Variants in DNAAF11 observed in about 807,000 individuals in gnomAD.
DNAAF11 encodes the protein leucine rich repeat containing 6.
In DNAAF11, 45 loss-of-function variants were observed where a neutral mutation model predicts 60.8. The ratio of observed to expected loss-of-function variants is 0.74; its 90% confidence interval spans 0.58 to 0.95. The LOEUF is 0.95. Ranked by LOEUF, DNAAF11 falls within the 40% of genes least tolerant of loss-of-function variation. DNAAF11 has a pLI of 0.00. For synonymous variants in DNAAF11, 191 were observed against 183.5 expected, an observed-to-expected ratio of 1.04 and a Z score of -0.33; for missense variants, 546 against 546.2, an observed-to-expected ratio of 1.00 and a Z score of 0.00.
chr8:132,579,531 G>A (rs1586459964), intron 11 of DNAAF11, among the ~76,000 whole-genome samples: 4 of 152,202 alleles, frequency 2.6e-5, no homozygotes, highest in Middle Eastern at 6.8e-3. Context: ...GAGTGGGGAA[G>A]GCAACTGAAA....
At position 132,598,989 on chromosome 8, in the gene DNAAF11, G is replaced by A. The variant is rs187470393; in HGVS notation, c.1140+11177C>T. ...AAAAAATCAATGAATCCAGGAGCTG[G>A]TTTTTTGAAAAGATCAACAACATTG... On this transcript the variant is annotated intron_variant, in intron 10 of 11. Coordinates refer to ENST00000620350, the MANE Select transcript of DNAAF11 (RefSeq NM_012472.6). Among the ~76,000 whole-genome samples the A allele has an allele frequency of 6.3e-3, 955 of 152,212 alleles. 14 individuals carry two copies. Among genetic ancestry groups the A allele is most frequent in the African/African-American group, 0.022 (916 of 41,508 alleles).
intron 7 of DNAAF11, among the ~76,000 whole-genome samples, chr8:132,620,311 A>C (rs1819623512): frequency 6.6e-6 from 1 of 152,142 alleles, no homozygotes; most frequent in Non-Finnish European, 1.5e-5. Flanking sequence ...AGCTGAAGAC[A>C]AACGACAAGG....
At chr8:132,610,137 T>C in intron 10 of DNAAF11, 29 bp downstream of exon 10, 2 of 1,543,018 alleles carry the variant, frequency 1.3e-6, no homozygotes, top group Non-Finnish European at 1.8e-6. Context: ...ATATCCAGAC[T>C]TGAAATTGAC....
Position 132,610,160 on chromosome 8 carries a change from A to C in DNAAF11, c.1140+6T>G. On this transcript the variant is annotated splice_donor_region_variant and intron_variant, in intron 10 of 11. Transcript: ENST00000620350. The stretch of plus-strand genomic sequence containing the variant: ...ACTTGAAATTGACCCAAATGACATG[A>C]CCTACCTTGGGCATGCAGATGACCA... The C allele has an allele frequency of 1.9e-6, 3 of 1,609,036 alleles. No homozygotes were observed. Among genetic ancestry groups the C allele is most frequent in the Non-Finnish European group, 2.6e-6 (3 of 1,175,450 alleles).
At chr8:132,697,462 A>G in the DNAAF11 span, among the ~76,000 whole-genome samples, 1 of 152,072 alleles carries the variant, frequency 6.6e-6, no homozygotes, top group Non-Finnish European at 1.5e-5. Context: ...TACTAAAATT[A>G]CAAAAATTAG....
At chr8:132,572,685 T>TAAAA (rs34229467) in intron 11 of DNAAF11, among the ~76,000 whole-genome samples, 1 of 132,852 alleles carries the variant, frequency 7.5e-6, no homozygotes. Context: ...AGAAAAGTTC[T>TAAAA]AAAAAAAAAA....
chr8:132,585,513 C>T (rs528391168), intron 10 of DNAAF11, among the ~76,000 whole-genome samples: 8 of 152,152 alleles, frequency 5.3e-5, no homozygotes, highest in South Asian at 2.1e-4. Flanking sequence ...CACAAGTGGA[C>T]GGCAAGACTT....
chr8:132,602,744 AAT>A (rs35316805), intron 10 of DNAAF11, among the ~76,000 whole-genome samples: 18,788 of 141,386 alleles, frequency 0.13, 1,492 homozygotes, highest in African/African-American at 0.24. Context: ...CTTAATTTGA[AAT>A]ATATATATAT....
upstream of DNAAF11, among the ~76,000 whole-genome samples, chr8:132,679,524 A>G (rs117513787): frequency 5.0e-3 from 762 of 152,248 alleles, 2 homozygotes; most frequent in Middle Eastern, 0.034. Flanking sequence ...AATCTAGGAT[A>G]AGATCTGGTT....
intron 3 of DNAAF11, among the ~76,000 whole-genome samples, chr8:132,654,448 A>G (rs1823334442): frequency 6.6e-6 from 1 of 152,066 alleles, no homozygotes; most frequent in African/African-American, 2.4e-5. Context: ...TTAGAACAAT[A>G]AACCCAAGAA....
intron 2 of DNAAF11, among the ~76,000 whole-genome samples, chr8:132,658,191 G>T (rs771265690): frequency 2.6e-5 from 4 of 152,114 alleles, no homozygotes; most frequent in Admixed American, 6.5e-5. Context: ...TTTATGCATT[G>T]TTTAAATGGA....
intron 1 of DNAAF11, among the ~76,000 whole-genome samples, chr8:132,669,940 CAAA>C (rs35402875): frequency 2.7e-3 from 189 of 69,752 alleles, no homozygotes; most frequent in African/African-American, 7.1e-3. Context: ...GACTCCGTCT[CAAA>C]AAAAAAAAAA....
chr8:132,677,517 A>G (rs1290220272), upstream of DNAAF11, among the ~76,000 whole-genome samples: 1 of 152,164 alleles, frequency 6.6e-6, no homozygotes, highest in Non-Finnish European at 1.5e-5. Flanking sequence ...CTCAAGAGCA[A>G]TTGCAACCCA....
At chr8:132,631,677 G>C (rs541397506) in intron 5 of DNAAF11, among the ~76,000 whole-genome samples, 1 of 152,236 alleles carries the variant, frequency 6.6e-6, no homozygotes, top group South Asian at 2.1e-4. Context: ...GGATGAAGGG[G>C]AAGTCTTTAA....
At chr8:132,592,454 T>C (rs1816563470) in intron 10 of DNAAF11, among the ~76,000 whole-genome samples, 1 of 152,198 alleles carries the variant, frequency 6.6e-6, no homozygotes, top group South Asian at 2.1e-4. Flanking sequence ...AGTTGTTCTA[T>C]ATTCCTAGTG....
intron 3 of DNAAF11, among the ~76,000 whole-genome samples, chr8:132,654,784 A>C (rs1251345423): frequency 6.6e-6 from 1 of 151,914 alleles, no homozygotes; most frequent in Non-Finnish European, 1.5e-5. Flanking sequence ...AGTAATGCTC[A>C]TAGGAAAATT....
intron 2 of DNAAF11, among the ~76,000 whole-genome samples, chr8:132,660,693 G>A (rs1824049605): frequency 1.3e-5 from 2 of 152,286 alleles, no homozygotes; most frequent in South Asian, 4.1e-4. Flanking sequence ...AGAAGAAACT[G>A]AGCATGCCCA....
chr8:132,687,922 T>C, the DNAAF11 span, among the ~76,000 whole-genome samples: 1 of 152,212 alleles, frequency 6.6e-6, no homozygotes, highest in East Asian at 1.9e-4. Flanking sequence ...ACAAATCATA[T>C]AGGACATTAA....
At chr8:132,680,684 C>G in the DNAAF11 span, among the ~76,000 whole-genome samples, 1 of 152,134 alleles carries the variant, frequency 6.6e-6, no homozygotes, top group East Asian at 1.9e-4. Flanking sequence ...GTTCCCTTAT[C>G]CCTTTTTCCT....
Sources: allele counts gnomAD v4.1 joint callset (sites outside exome capture counted in the v4.1 genomes callset), GRCh38; gene constraint gnomAD v4.1.1; transcripts MANE v1.5; gene names NCBI Gene and HGNC (gene_info 2026-07-23, HGNC 2026-07-21).